GIGYF2: variants seen among roughly 807,000 people sequenced by gnomAD.
The protein encoded by GIGYF2 is GRB10-interacting GYF protein 2.
GIGYF2 carries 25 observed loss-of-function variants against 208.1 expected under a neutral mutation model. That is an observed-to-expected ratio of 0.12 (90% CI 0.09 to 0.17). GIGYF2 has a LOEUF of 0.17. GIGYF2 is among the 10% of genes least tolerant of loss of function. GIGYF2 has a pLI of 1.00. For synonymous variants in GIGYF2, 534 were observed against 543.8 expected, an observed-to-expected ratio of 0.98 and a Z score of 0.25; for missense variants, 1,302 against 1,579.4, an observed-to-expected ratio of 0.82 and a Z score of 2.98.
intron 20 of GIGYF2, 78 bp downstream of exon 20, chr2:232,817,110 G>C: frequency 9.4e-7 from 1 of 1,062,162 alleles, no homozygotes; most frequent in Non-Finnish European, 1.5e-6. Context: ...TCATTTCACA[G>C]ATACTCCTGA....
intron 1 of GIGYF2, among the ~76,000 whole-genome samples, chr2:232,702,551 GCAT>G: frequency 6.6e-6 from 1 of 152,122 alleles, no homozygotes; most frequent in East Asian, 1.9e-4. Context: ...TAGCAGTAAA[GCAT>G]CATTTGATTT....
Position 232,795,585 on chromosome 2 carries a change from AACAG to A in GIGYF2, c.1480-476_1480-473del, listed in dbSNP as rs1440492380. Reference sequence around the variant, plus strand: ...TAGTTTATACCATTTAGAGTTGACCAACAGCTTATTAGTTTAAAAAGTACTCTTA... The same window carrying A: ...TAGTTTATACCATTTAGAGTTGACCACTTATTAGTTTAAAAAGTACTCTTA... On this transcript the variant is annotated intron_variant, in intron 13 of 28. Coordinates refer to ENST00000373563, the MANE Select transcript of GIGYF2 (RefSeq NM_001103146.3). 8.5e-5 allele frequency among the ~76,000 whole-genome samples: 13 copies of A among 152,296 alleles called. No homozygotes were observed. In the East Asian group the frequency reaches 2.5e-3, roughly 29 times the overall value.
intron 16 of GIGYF2, chr2:232,810,433 G>T (rs1257798325): frequency 2.0e-5 from 3 of 153,162 alleles, no homozygotes; most frequent in Admixed American, 1.3e-4. Flanking sequence ...GAGAGGGTGG[G>T]AAAGAAGTTA....
In GIGYF2 at chr2:232,790,255, CAA is replaced by C. The variant is rs1280493578; in HGVS notation, c.713-442_713-441del. 2.6e-5 allele frequency among the ~76,000 whole-genome samples: 4 copies of C among 151,998 alleles called. No individual in the cohort carries two copies. The East Asian group carries it at 7.7e-4, about 29-fold the overall frequency. The stretch of plus-strand genomic sequence containing the variant: ...ACAGGGAGCTGATTTTATCCACAAA[CAA>C]TGATATTTTCATGGGAAGAAAGAAA... On this transcript the variant is annotated intron_variant, in intron 9 of 28. Coordinates refer to ENST00000373563, the MANE Select transcript of GIGYF2 (RefSeq NM_001103146.3).
rs1429212421 is a variant in GIGYF2, at chr2:232,858,909, A to G, written c.*2049A>G. 4.9e-6 allele frequency: 1 copy of G among 202,820 alleles called. No individual in the cohort carries two copies. The highest frequency in any genetic ancestry group is 2.3e-5 in the African/African-American group (1 of 42,688). The allele number at this position is 202,820 out of a possible 1,614,324, so 12.6% of individuals were successfully genotyped here. A position where few individuals can be genotyped will look rare whatever the true frequency, so the allele number is the denominator to read the frequency against. ...CATACCGCAGACACACCCACTCTGA[A>G]CACACCCCTCCAGAGCTTGCCCACA... On this transcript the variant is annotated 3_prime_UTR_variant, in exon 29 of 29. Transcript: ENST00000373563.
intron 8 of GIGYF2, among the ~76,000 whole-genome samples, chr2:232,780,347 G>A (rs750523933): frequency 1.3e-5 from 2 of 152,162 alleles, no homozygotes; most frequent in Non-Finnish European, 2.9e-5. Context: ...TGCCACTGGG[G>A]AAATTGTATA....
rs761741339 is a variant in GIGYF2 at position 232,735,218 on chromosome 2, A to C, written c.21A>C (p.Thr7=). Residue 7 remains threonine (T), a synonymous_variant, in exon 3 of 29, where the codon ACA becomes ACC. Coordinates refer to ENST00000373563, the MANE Select transcript of GIGYF2 (RefSeq NM_001103146.3). MAAETQ[T]LNFGPEWLRA... is the part of the protein sequence containing the mutation. The stretch of plus-strand genomic sequence containing the variant: ...AAAGAATGGCAGCGGAAACGCAGAC[A>C]CTGAACTTTGGGCCTGAATGGTGAG... 2.5e-6 allele frequency: 4 copies of C among 1,609,394 alleles called. No homozygotes were observed. In the Admixed American group the frequency reaches 5.0e-5, roughly 20 times the overall value.
At chr2:232,724,877 TCCC>T (rs1227084266) in intron 2 of GIGYF2, among the ~76,000 whole-genome samples, 1 of 152,088 alleles carries the variant, frequency 6.6e-6, no homozygotes, top group Non-Finnish European at 1.5e-5. Context: ...TTCAAATACT[TCCC>T]TTAAAAAAAA....
At chr2:232,845,917 G>T in intron 26 of GIGYF2, 31 bp downstream of exon 26, 1 of 1,435,136 alleles carries the variant, frequency 7.0e-7, no homozygotes. Flanking sequence ...CCCGGCATGT[G>T]GAATGACAGA....
At chr2:232,853,096 C>T (rs1559171404) in intron 28 of GIGYF2, among the ~76,000 whole-genome samples, 1 of 152,176 alleles carries the variant, frequency 6.6e-6, no homozygotes, top group Non-Finnish European at 1.5e-5. Flanking sequence ...CATAATTGCT[C>T]ATTTTTGTCC....
intron 2 of GIGYF2, among the ~76,000 whole-genome samples, chr2:232,715,746 A>AT (rs982018294): frequency 1.3e-5 from 2 of 151,742 alleles, no homozygotes; most frequent in African/African-American, 4.8e-5. Context: ...TAGTGAAGAG[A>AT]TTTAGTATTG....
intron 8 of GIGYF2, among the ~76,000 whole-genome samples, chr2:232,769,239 GTGA>G (rs1699115818): frequency 6.6e-6 from 1 of 152,092 alleles, no homozygotes; most frequent in Non-Finnish European, 1.5e-5. Flanking sequence ...AATAGAATGA[GTGA>G]TATTTTGGCC....
rs1272016740 is a variant in GIGYF2, at chr2:232,729,618, C to G, written c.-43-5537C>G. ...AGCTTATCTGTTCCAACTTTATCATCTTCAACTTCACAACGTATTTGAAGT... is the reference window on the plus strand; with the variant it reads ...AGCTTATCTGTTCCAACTTTATCATGTTCAACTTCACAACGTATTTGAAGT... On this transcript the variant is annotated intron_variant, in intron 2 of 28. Coordinates refer to ENST00000373563, the MANE Select transcript of GIGYF2 (RefSeq NM_001103146.3). 7 of 1,187,516 alleles carry G rather than the reference C, an allele frequency of 5.9e-6. No individual in the cohort carries two copies. The East Asian group carries it at 1.4e-4, about 24-fold the overall frequency. 73.6% of individuals were successfully genotyped at this position (1,187,516 alleles called of 1,614,324 possible).
At chr2:232,831,536 C>T (rs910459662) in intron 21 of GIGYF2, among the ~76,000 whole-genome samples, 9 of 152,136 alleles carry the variant, frequency 5.9e-5, no homozygotes, top group Admixed American at 2.0e-4. Context: ...AAGAAGTAAG[C>T]GCCATCATTA....
chr2:232,722,170 T>TG (rs1477454385), intron 2 of GIGYF2, among the ~76,000 whole-genome samples: 1 of 152,200 alleles, frequency 6.6e-6, no homozygotes, highest in African/African-American at 2.4e-5. Flanking sequence ...GCTTCCCTCT[T>TG]GTATTAGCCC....
At chr2:232,799,369 C>A (rs1700320884) in intron 14 of GIGYF2, among the ~76,000 whole-genome samples, 1 of 150,794 alleles carries the variant, frequency 6.6e-6, no homozygotes, top group African/African-American at 2.4e-5. Flanking sequence ...CATGGAGAGA[C>A]CTTGTCTCTA....
intron 1 of GIGYF2, among the ~76,000 whole-genome samples, chr2:232,699,721 A>G (rs1389809601): frequency 1.3e-5 from 2 of 152,218 alleles, no homozygotes; most frequent in Non-Finnish European, 2.9e-5. Context: ...ATTTAGACAC[A>G]TGATTAAGGA....
intron 8 of GIGYF2, among the ~76,000 whole-genome samples, chr2:232,775,975 T>G (rs906383755): frequency 2.6e-5 from 4 of 152,354 alleles, no homozygotes; most frequent in Middle Eastern, 3.4e-3. Flanking sequence ...AAGTATCTAT[T>G]AATTTCCGCA....
At chr2:232,829,868 G>A (rs1229431650) in intron 21 of GIGYF2, among the ~76,000 whole-genome samples, 3 of 152,186 alleles carry the variant, frequency 2.0e-5, no homozygotes, top group Admixed American at 2.0e-4. Context: ...TCAAAGTTAT[G>A]CTTTCTGATT....
Sources: allele counts gnomAD v4.1 joint callset (sites outside exome capture counted in the v4.1 genomes callset), GRCh38; gene constraint gnomAD v4.1.1; transcripts MANE v1.5; gene names NCBI Gene and HGNC (gene_info 2026-07-23, HGNC 2026-07-21).